The following IQGAP2 variants were observed in gnomAD, a reference collection of about 807,000 sequenced individuals.
IQGAP2 encodes the protein ras GTPase-activating-like protein IQGAP2.
A neutral mutation model predicts 201.3 loss-of-function variants in IQGAP2; 173 were observed. The observed-to-expected ratio is 0.86, with a 90% CI of 0.76 to 0.98. IQGAP2 has a LOEUF of 0.98. Among genes scored for constraint, IQGAP2 ranks in the 50% least tolerant of loss-of-function variants. The probability of loss-of-function intolerance (pLI) is 0.00; values close to 1 mark genes in which losing one functional copy is unlikely to be tolerated. For synonymous variants in IQGAP2, 675 were observed against 673.9 expected, an observed-to-expected ratio of 1.00 and a Z score of -0.03; for missense variants, 1,687 against 1,864.8, an observed-to-expected ratio of 0.90 and a Z score of 1.76.
chr5:76,523,130 G>C (rs1758788207), intron 2 of IQGAP2, among the ~76,000 whole-genome samples: 1 of 140,182 alleles, frequency 7.1e-6, no homozygotes, highest in South Asian at 2.3e-4. Flanking sequence ...TGCTGCCCAG[G>C]CTGGAATGCA....
At chr5:76,501,643 C>CTTTTCTTTT (rs1554062084) in intron 2 of IQGAP2, among the ~76,000 whole-genome samples, 2 of 101,100 alleles carry the variant, frequency 2.0e-5, no homozygotes, top group African/African-American at 4.0e-5. Flanking sequence ...TTTTCCTTTT[C>CTTTTCTTTT]TTTTTTTTTT....
Position 76,658,502 on chromosome 5 carries a change from A to T in IQGAP2, c.2364A>T (p.Val788=). Residue 788 remains valine (V), a synonymous_variant, in exon 21 of 36, where the codon GTA becomes GTT. Coordinates refer to ENST00000274364, the MANE Select transcript of IQGAP2 (RefSeq NM_006633.5). The stretch of plus-strand genomic sequence containing the variant: ...CATTAACAGTAATTCGCAAATTTGT[A>T]TACCTGCTGGACCAAAGTGATTTGG... ...NPPLTVIRKF[V]YLLDQSDLDF... 1 of 1,614,068 alleles carries T rather than the reference A, an allele frequency of 6.2e-7. No homozygotes were observed. The highest frequency in any genetic ancestry group is 8.5e-7 in the Non-Finnish European group (1 of 1,179,982).
chr5:76,478,394 G>A (rs1247246339), intron 2 of IQGAP2, among the ~76,000 whole-genome samples: 4 of 152,074 alleles, frequency 2.6e-5, no homozygotes, highest in South Asian at 2.1e-4. Flanking sequence ...GTGAGACTCC[G>A]CCTCAAGAAA....
chr5:76,623,274 A>G (rs1410073610), intron 13 of IQGAP2: 6 of 1,603,830 alleles, frequency 3.7e-6, no homozygotes, highest in African/African-American at 1.3e-5. Flanking sequence ...TGAAATCTGT[A>G]AAATCATGGA....
intron 2 of IQGAP2, among the ~76,000 whole-genome samples, chr5:76,469,967 G>A (rs967890071): frequency 6.6e-6 from 1 of 152,188 alleles, no homozygotes; most frequent in African/African-American, 2.4e-5. Flanking sequence ...TTGAGGGTCA[G>A]AAATCTGTCA....
chr5:76,494,051 G>A (rs75802358), intron 2 of IQGAP2, among the ~76,000 whole-genome samples: 4,663 of 152,240 alleles, frequency 0.031, 242 homozygotes, highest in African/African-American at 0.1. Flanking sequence ...TAATGTAAAT[G>A]TTATGTAAAT....
chr5:76,700,867 T>C (rs1388951470), intron 33 of IQGAP2, among the ~76,000 whole-genome samples: 2 of 152,218 alleles, frequency 1.3e-5, no homozygotes, highest in Non-Finnish European at 2.9e-5. Context: ...CTTCAGTCAC[T>C]TGGGAAATCC....
At position 76,424,856 on chromosome 5, in the gene IQGAP2, G is replaced by A. The variant is rs540675561; in HGVS notation, c.46+21265G>A. On this transcript the variant is annotated intron_variant, in intron 1 of 35. Transcript: ENST00000274364. ...CCTGATGGCATTATTAGGACAAAAT[G>A]GAACAACAAATATAAAGCACTCTCA... is the stretch of plus-strand genomic sequence containing the variant. Among the ~76,000 whole-genome samples the A allele has an allele frequency of 2.0e-5, 3 of 152,296 alleles. No homozygotes were observed. The South Asian group carries it at 6.2e-4, about 32-fold the overall frequency.
chr5:76,686,344 TTGTTGTTGTTGTTGTTG>T (rs1745748828), intron 30 of IQGAP2, among the ~76,000 whole-genome samples: 1 of 98,202 alleles, frequency 1.0e-5, no homozygotes, highest in African/African-American at 5.4e-5. Context: ...GTTTTTTTTG[TTGTTGTTGTTGTTGTTG>T]TTGTTGTTAC....
chr5:76,462,347 C>T (rs1204224141), intron 2 of IQGAP2, among the ~76,000 whole-genome samples: 3 of 152,080 alleles, frequency 2.0e-5, no homozygotes, highest in East Asian at 1.9e-4. Flanking sequence ...CTCTTTAAAC[C>T]GTGGGTGTGT....
In IQGAP2 at chr5:76,618,459, G is replaced by C. The variant is rs751043946; in HGVS notation, c.1521+7276G>C. ...GGAGCTGGTCAGGTACCCCATGGTA[G>C]CATTTTTCACATGGAGATGTGAAGC... On this transcript the variant is annotated intron_variant, in intron 13 of 35. Transcript: ENST00000274364. 3.7e-6 allele frequency: 6 copies of C among 1,614,070 alleles called. No individual in the cohort carries two copies. In the African/African-American group the frequency reaches 8.0e-5, roughly 22 times the overall value.
At chr5:76,596,124 T>A (rs969321249) in intron 9 of IQGAP2, among the ~76,000 whole-genome samples, 1 of 152,182 alleles carries the variant, frequency 6.6e-6, no homozygotes, top group African/African-American at 2.4e-5. Flanking sequence ...ATTATATCTC[T>A]TAGTAAAAAT....
intron 18 of IQGAP2, among the ~76,000 whole-genome samples, chr5:76,653,723 A>G (rs1453575280): frequency 3.9e-5 from 6 of 152,228 alleles, no homozygotes; most frequent in Non-Finnish European, 8.8e-5. Flanking sequence ...ACATATGCCT[A>G]TTCTGTCAAA....
intron 2 of IQGAP2, among the ~76,000 whole-genome samples, chr5:76,527,625 C>T (rs773655770): frequency 2.0e-5 from 3 of 152,282 alleles, no homozygotes; most frequent in Middle Eastern, 3.4e-3. Flanking sequence ...CTATAATTGT[C>T]GTATTAATCT....
At chr5:76,637,895 A>T (rs1751271573) in intron 16 of IQGAP2, among the ~76,000 whole-genome samples, 1 of 152,214 alleles carries the variant, frequency 6.6e-6, no homozygotes, top group Non-Finnish European at 1.5e-5. Flanking sequence ...AGATACATTG[A>T]ACTGGAATTT....
chr5:76,501,624 G>A (rs1328614335), intron 2 of IQGAP2, among the ~76,000 whole-genome samples: 1 of 109,540 alleles, frequency 9.1e-6, no homozygotes. Context: ...CCCTCCTGCT[G>A]CATTTTCTTT....
At chr5:76,543,325 G>T (rs559403689) in intron 2 of IQGAP2, among the ~76,000 whole-genome samples, 1 of 152,054 alleles carries the variant, frequency 6.6e-6, no homozygotes, top group African/African-American at 2.4e-5. Flanking sequence ...TTTTCAGCCC[G>T]TCTCTCTGTG....
chr5:76,426,423 C>A (rs572574126), intron 1 of IQGAP2, among the ~76,000 whole-genome samples: 33 of 152,302 alleles, frequency 2.2e-4, no homozygotes, highest in African/African-American at 7.9e-4. Flanking sequence ...GCCTTTACAG[C>A]AACCTTTGGA....
chr5:76,472,553 G>T (rs1390616861), intron 2 of IQGAP2, among the ~76,000 whole-genome samples: 2 of 152,180 alleles, frequency 1.3e-5, no homozygotes, highest in Admixed American at 1.3e-4. Flanking sequence ...TCAAAGCATT[G>T]CTTATCTGAC....
Sources: allele counts gnomAD v4.1 joint callset (sites outside exome capture counted in the v4.1 genomes callset), GRCh38; gene constraint gnomAD v4.1.1; transcripts MANE v1.5; gene names NCBI Gene and HGNC (gene_info 2026-07-23, HGNC 2026-07-21).